ATP8A2: variants seen among roughly 807,000 people sequenced by gnomAD.
The protein encoded by ATP8A2 is ATPase phospholipid transporting 8A2, also known as phospholipid-transporting ATPase IB.
Under a neutral mutation model 165.6 loss-of-function variants are expected in ATP8A2, and 100 were observed. The observed-to-expected ratio is 0.60, with a 90% CI of 0.51 to 0.71. The LOEUF (loss-of-function observed/expected upper bound fraction) is 0.71. ATP8A2 is among the 30% of genes least tolerant of loss of function. The probability of loss-of-function intolerance (pLI) is 0.00; values close to 1 mark genes in which losing one functional copy is unlikely to be tolerated. For missense variants in ATP8A2, 1,227 were observed against 1,479.5 expected, an observed-to-expected ratio of 0.83 and a Z score of 2.80; for synonymous variants, 543 against 548.8, an observed-to-expected ratio of 0.99 and a Z score of 0.15.
chr13:25,880,454 T>C (rs1952949899), intron 33 of ATP8A2, among the ~76,000 whole-genome samples: 1 of 151,922 alleles, frequency 6.6e-6, no homozygotes, highest in Non-Finnish European at 1.5e-5. Context: ...GCACTGGTAG[T>C]TTCACACTTA....
intron 1 of ATP8A2, among the ~76,000 whole-genome samples, chr13:25,432,562 T>C (rs2034644877): frequency 6.6e-6 from 1 of 152,150 alleles, no homozygotes; most frequent in Admixed American, 6.5e-5. Flanking sequence ...GATGTGCTTG[T>C]GGGCTGGTGG....
At chr13:25,964,139 C>G (rs981851889) in intron 34 of ATP8A2, among the ~76,000 whole-genome samples, 1 of 152,248 alleles carries the variant, frequency 6.6e-6, no homozygotes, top group Non-Finnish European at 1.5e-5. Context: ...CCAACAGCAT[C>G]TCAGCTCTGG....
chr13:25,899,157 C>T (rs2765745), intron 33 of ATP8A2, among the ~76,000 whole-genome samples: 1,544 of 152,306 alleles, frequency 0.01, 23 homozygotes, highest in African/African-American at 0.035. Context: ...TGTTCCTATT[C>T]GGCCATGTTG....
chr13:25,440,557 T>C (rs569066024), intron 1 of ATP8A2, among the ~76,000 whole-genome samples: 1 of 152,282 alleles, frequency 6.6e-6, no homozygotes, highest in East Asian at 1.9e-4. Flanking sequence ...CTGCGTTGTC[T>C]TCATGTAAAG....
chr13:25,514,529 G>T (rs1039801734), intron 2 of ATP8A2, among the ~76,000 whole-genome samples: 2 of 152,288 alleles, frequency 1.3e-5, no homozygotes, highest in East Asian at 3.9e-4. Flanking sequence ...TTGTGTGGGT[G>T]CCCTGGGAAT....
chr13:25,838,787 G>T (rs192639642), intron 29 of ATP8A2, among the ~76,000 whole-genome samples: 1 of 151,990 alleles, frequency 6.6e-6, no homozygotes, highest in African/African-American at 2.4e-5. Context: ...CAAGATGGCC[G>T]AATAGGAATA....
At chr13:25,942,312 A>G (rs1202479309) in intron 33 of ATP8A2, among the ~76,000 whole-genome samples, 1 of 152,258 alleles carries the variant, frequency 6.6e-6, no homozygotes, top group Non-Finnish European at 1.5e-5. Context: ...AGAGGGCATA[A>G]TCTGGAATGA....
At chr13:25,435,468 G>A (rs192607662) in intron 1 of ATP8A2, among the ~76,000 whole-genome samples, 3 of 152,222 alleles carry the variant, frequency 2.0e-5, no homozygotes, top group African/African-American at 7.2e-5. Flanking sequence ...TATATTTGCA[G>A]GGAGAGAAAG....
chr13:25,935,093 C>T (rs1178555623), intron 33 of ATP8A2, among the ~76,000 whole-genome samples: 1 of 152,178 alleles, frequency 6.6e-6, no homozygotes, highest in Non-Finnish European at 1.5e-5. Flanking sequence ...AAACACCCTA[C>T]AAAGATGACA....
intron 2 of ATP8A2, among the ~76,000 whole-genome samples, chr13:25,477,800 G>A (rs9578868): frequency 1.3e-3 from 193 of 152,218 alleles, no homozygotes; most frequent in African/African-American, 4.4e-3. Context: ...AGCCAGGCAC[G>A]GTGGCGGGTG....
At chr13:25,867,544 G>T (rs1055267145) in intron 33 of ATP8A2, among the ~76,000 whole-genome samples, 3 of 152,082 alleles carry the variant, frequency 2.0e-5, no homozygotes, top group African/African-American at 7.2e-5. Flanking sequence ...GTCTGTGTGG[G>T]GCATGTTTGG....
chr13:25,612,252 G>A (rs1005322864), intron 24 of ATP8A2, among the ~76,000 whole-genome samples: 4 of 151,922 alleles, frequency 2.6e-5, no homozygotes, highest in Admixed American at 6.6e-5. Context: ...TCTTTCAGAC[G>A]TTTTGATGTA....
intron 24 of ATP8A2, among the ~76,000 whole-genome samples, chr13:25,609,534 G>GGGATTCAAATATATATATATATAATT (rs2040605360): frequency 4.7e-5 from 2 of 42,218 alleles, no homozygotes; most frequent in Non-Finnish European, 7.2e-5. Flanking sequence ...ATATATATTT[G>GGGATTCAAATATATATATATATAATT]GGATTCAAAT....
intron 28 of ATP8A2, 146 bp from the exon 29 acceptor site, chr13:25,837,017 T>C (rs1951631113): frequency 1.1e-6 from 1 of 948,274 alleles, no homozygotes; most frequent in Admixed American, 2.5e-5. Context: ...TTATTTCCTT[T>C]GTTTGGAGGG....
intron 35 of ATP8A2, among the ~76,000 whole-genome samples, chr13:25,998,145 G>A (rs1296287336): frequency 6.6e-6 from 1 of 152,170 alleles, no homozygotes; most frequent in Non-Finnish European, 1.5e-5. Context: ...CAGGTGCAGG[G>A]GTCCTGATTC....
At chr13:25,833,339 G>T (rs557665555) in intron 28 of ATP8A2, among the ~76,000 whole-genome samples, 1 of 152,160 alleles carries the variant, frequency 6.6e-6, no homozygotes, top group South Asian at 2.1e-4. Context: ...TGGGAGGAAA[G>T]GGGGAAGTTG....
intron 1 of ATP8A2, among the ~76,000 whole-genome samples, chr13:25,397,680 T>C (rs1266892197): frequency 1.3e-5 from 2 of 152,202 alleles, no homozygotes; most frequent in Admixed American, 1.3e-4. Flanking sequence ...AATGTGAGGA[T>C]CATGACCTGT....
intron 36 of ATP8A2, among the ~76,000 whole-genome samples, chr13:26,016,404 G>A (rs970394217): frequency 2.6e-5 from 4 of 152,126 alleles, no homozygotes; most frequent in African/African-American, 4.8e-5. Context: ...AAATCATCCC[G>A]CTGCAATCCC....
chr13:25,962,593 G>A (rs979377077), intron 34 of ATP8A2, among the ~76,000 whole-genome samples: 39 of 152,112 alleles, frequency 2.6e-4, no homozygotes, highest in African/African-American at 8.0e-4. Flanking sequence ...GTTTTGGGTC[G>A]ACCCAATTTC....
Sources: allele counts gnomAD v4.1 joint callset (sites outside exome capture counted in the v4.1 genomes callset), GRCh38; gene constraint gnomAD v4.1.1; transcripts MANE v1.5; gene names NCBI Gene and HGNC (gene_info 2026-07-23, HGNC 2026-07-21).